Variants in SLAIN2 observed in about 807,000 individuals in gnomAD.
SLAIN2 encodes SLAIN motif-containing protein 2.
A neutral mutation model predicts 56.6 loss-of-function variants in SLAIN2; 31 were observed. The ratio of observed to expected loss-of-function variants is 0.55; its 90% confidence interval spans 0.41 to 0.74. The LOEUF (loss-of-function observed/expected upper bound fraction) is 0.74, where lower values mean the gene tolerates loss of function less well. Ranked by LOEUF, SLAIN2 falls within the 30% of genes least tolerant of loss-of-function variation. SLAIN2 has a pLI of 0.00. For synonymous variants in SLAIN2, 317 were observed against 284.9 expected (o/e 1.11, Z -1.13); for missense variants, 777 against 754.2 (o/e 1.03, Z -0.35).
At chr4:48,343,563 G>A (rs1474298304) in intron 1 of SLAIN2, among the ~76,000 whole-genome samples, 1 of 152,172 alleles carries the variant, frequency 6.6e-6, no homozygotes, top group African/African-American at 2.4e-5. Context: ...TACCCAAAGA[G>A]TGATAGAACA....
At chr4:48,354,984 C>T (rs1363366773) in intron 1 of SLAIN2, among the ~76,000 whole-genome samples, 1 of 151,974 alleles carries the variant, frequency 6.6e-6, no homozygotes, top group East Asian at 1.9e-4. Context: ...ACTGCAACCT[C>T]CGCCTCCCGA....
At chr4:48,369,205 T>C (rs1715602822) in intron 1 of SLAIN2, among the ~76,000 whole-genome samples, 1 of 152,158 alleles carries the variant, frequency 6.6e-6, no homozygotes, top group Admixed American at 6.5e-5. Flanking sequence ...AAACATGAAG[T>C]AGAAAATTTA....
intron 1 of SLAIN2, among the ~76,000 whole-genome samples, chr4:48,356,944 TTC>T (rs901439026): frequency 2.6e-5 from 4 of 152,142 alleles, no homozygotes; most frequent in African/African-American, 9.7e-5. Flanking sequence ...TTGTGTTGTG[TTC>T]TGTCACACAT....
At chr4:48,349,109 C>A (rs1350866438) in intron 1 of SLAIN2, among the ~76,000 whole-genome samples, 2 of 152,148 alleles carry the variant, frequency 1.3e-5, no homozygotes, top group African/African-American at 2.4e-5. Context: ...TGAAATTCTC[C>A]TGAATTTTTA....
intron 6 of SLAIN2, among the ~76,000 whole-genome samples, chr4:48,384,189 T>C (rs1199339966): frequency 6.6e-6 from 1 of 152,198 alleles, no homozygotes; most frequent in African/African-American, 2.4e-5. Flanking sequence ...TACCTAAAAG[T>C]TTGATTATTA....
chr4:48,370,445 C>T (rs1396567746), intron 2 of SLAIN2, among the ~76,000 whole-genome samples: 1 of 152,122 alleles, frequency 6.6e-6, no homozygotes, highest in Non-Finnish European at 1.5e-5. Context: ...TGTGTGAGCT[C>T]AGTTGTCTCA....
Position 48,422,115 on chromosome 4 carries a change from G to T in SLAIN2, c.*38G>T. 1 of 1,558,326 alleles carries T rather than the reference G, an allele frequency of 6.4e-7. No homozygotes were observed. The highest frequency in any genetic ancestry group is 1.1e-5 in the South Asian group (1 of 86,998). On this transcript the variant is annotated 3_prime_UTR_variant, in exon 8 of 8. Transcript: ENST00000264313. ...AGAATGCAGAAGTCCACGGCTTCAT[G>T]GATACCCTTCACCAGGCTAAAAAAC... is the stretch of plus-strand genomic sequence containing the variant.
chr4:48,364,078 A>T (rs1474840919), intron 1 of SLAIN2, among the ~76,000 whole-genome samples: 2 of 74,194 alleles, frequency 2.7e-5, no homozygotes, highest in Non-Finnish European at 6.1e-5. Context: ...CACTTCTCAG[A>T]CGGGGCAGCT....
chr4:48,394,514 A>G, intron 6 of SLAIN2: 1 of 1,267,410 alleles, frequency 7.9e-7, no homozygotes, highest in Non-Finnish European at 1.1e-6. Flanking sequence ...TCAAGTTTAC[A>G]GACGCTGTAG....
intron 1 of SLAIN2, among the ~76,000 whole-genome samples, chr4:48,365,300 C>T (rs35265097): frequency 0.23 from 34,574 of 151,498 alleles, 4,746 homozygotes; most frequent in Middle Eastern, 0.33. Flanking sequence ...GAAACTCCGT[C>T]TCTACTAAAA....
At chr4:48,378,917 C>G (rs1400285178) in intron 3 of SLAIN2, among the ~76,000 whole-genome samples, 2 of 152,144 alleles carry the variant, frequency 1.3e-5, no homozygotes, top group African/African-American at 4.8e-5. Context: ...ACTCTTCTTG[C>G]TCTCCTTACA....
intron 1 of SLAIN2, among the ~76,000 whole-genome samples, chr4:48,357,314 T>C (rs1351531562): frequency 6.6e-6 from 1 of 152,104 alleles, no homozygotes; most frequent in Non-Finnish European, 1.5e-5. Flanking sequence ...TTATATTTTA[T>C]AGTTGGTAAG....
chr4:48,382,966 G>C lies in SLAIN2; in HGVS notation c.1222+39G>C, dbSNP rs1274965404. On this transcript the variant is annotated intron_variant, in intron 5 of 7. Coordinates refer to ENST00000264313, the MANE Select transcript of SLAIN2 (RefSeq NM_020846.2). ...TTTTACTAATAATTAGACAGTTTCT[G>C]CTAGCCTGTGTAACATAGCAAGACC... 9 of 1,524,080 alleles carry C rather than the reference G, an allele frequency of 5.9e-6. No homozygotes were observed. In the South Asian group the frequency reaches 1.0e-4, roughly 17 times the overall value. The allele number at this position is 1,524,080 out of a possible 1,614,324, so 94.4% of individuals were successfully genotyped here. A position where few individuals can be genotyped will look rare whatever the true frequency, so the allele number is the denominator to read the frequency against.
At chr4:48,419,942 A>T (rs1302805371) in intron 6 of SLAIN2, among the ~76,000 whole-genome samples, 183 bp from the exon 7 acceptor site, 1 of 152,176 alleles carries the variant, frequency 6.6e-6, no homozygotes, top group Non-Finnish European at 1.5e-5. Context: ...GTACTTGGTC[A>T]TTTAGAACTC....
chr4:48,342,380 G>T (rs1714736849), intron 1 of SLAIN2, among the ~76,000 whole-genome samples: 1 of 152,220 alleles, frequency 6.6e-6, no homozygotes. Flanking sequence ...CCCTATTGGG[G>T]TCTGTGGGTT....
intron 6 of SLAIN2, chr4:48,394,537 A>G: frequency 6.7e-7 from 1 of 1,484,338 alleles, no homozygotes; most frequent in Non-Finnish European, 9.1e-7. Context: ...TTTGTCTTGT[A>G]CTTCCAGGCA....
chr4:48,369,538 A>G (rs1258325985), intron 1 of SLAIN2, among the ~76,000 whole-genome samples: 1 of 152,198 alleles, frequency 6.6e-6, no homozygotes, highest in Non-Finnish European at 1.5e-5. Context: ...ATCTGGCTAT[A>G]TTAGGGAGTT....
At chr4:48,411,189 G>A (rs1362162052) in intron 6 of SLAIN2, among the ~76,000 whole-genome samples, 1 of 152,154 alleles carries the variant, frequency 6.6e-6, no homozygotes, top group Non-Finnish European at 1.5e-5. Flanking sequence ...GGGAGGATAA[G>A]TAGGCTGGGA....
chr4:48,352,960 T>TTTTATCAGAGGTTTATCAGAGG (rs1715051917), intron 1 of SLAIN2, among the ~76,000 whole-genome samples: 1 of 152,110 alleles, frequency 6.6e-6, no homozygotes, highest in South Asian at 2.1e-4. Context: ...GATCTGATAG[T>TTTTATCAGAGGTTTATCAGAGG]TTTATCAGAG....
Sources: gnomAD v4.1 joint callset for allele counts (sites outside exome capture counted in the v4.1 genomes callset) on GRCh38, gnomAD v4.1.1 for gene constraint, MANE v1.5 for transcripts, NCBI Gene and HGNC (gene_info 2026-07-23, HGNC 2026-07-21) for gene names.